CFAP20DC: variants seen among roughly 807,000 people sequenced by gnomAD.
CFAP20DC encodes CFAP20 domain containing, also known as protein CFAP20DC.
Under a neutral mutation model 101.7 loss-of-function variants are expected in CFAP20DC, and 84 were observed. That is an observed-to-expected ratio of 0.83 (90% CI 0.69 to 0.99). The LOEUF (loss-of-function observed/expected upper bound fraction) is 0.99, where lower values mean the gene tolerates loss of function less well. Ranked by LOEUF, CFAP20DC falls within the 50% of genes least tolerant of loss-of-function variation. CFAP20DC has a pLI of 0.00. For missense variants in CFAP20DC, 1,007 were observed against 970.3 expected, an observed-to-expected ratio of 1.04 and a Z score of -0.50; for synonymous variants, 359 against 351.2, an observed-to-expected ratio of 1.02 and a Z score of -0.25.
chr3:58,777,473 T>A (rs918928112), intron 15 of CFAP20DC, among the ~76,000 whole-genome samples: 21 of 152,196 alleles, frequency 1.4e-4, no homozygotes, highest in Non-Finnish European at 1.9e-4. Flanking sequence ...ATATTTGGGT[T>A]CCACAGCAGC....
intron 6 of CFAP20DC, among the ~76,000 whole-genome samples, chr3:58,911,004 A>T (rs1333078588): frequency 6.6e-6 from 1 of 152,100 alleles, no homozygotes. Context: ...AGTTTGATTA[A>T]CATATTTGAG....
At chr3:58,976,311 G>A (rs907586345) in intron 4 of CFAP20DC, among the ~76,000 whole-genome samples, 1 of 152,168 alleles carries the variant, frequency 6.6e-6, no homozygotes, top group Non-Finnish European at 1.5e-5. Flanking sequence ...TAGCAGAGGA[G>A]GATCAAGGAA....
At chr3:58,925,296 T>G (rs2085828767) in intron 5 of CFAP20DC, among the ~76,000 whole-genome samples, 1 of 152,214 alleles carries the variant, frequency 6.6e-6, no homozygotes, top group African/African-American at 2.4e-5. Context: ...TTAATTTACT[T>G]ACAATCATCC....
downstream of CFAP20DC, among the ~76,000 whole-genome samples, chr3:58,741,372 C>T (rs1412157699): frequency 6.6e-6 from 1 of 152,118 alleles, no homozygotes; most frequent in Non-Finnish European, 1.5e-5. Flanking sequence ...GGGATTTCTT[C>T]AGGCCCAGGC....
chr3:58,858,384 A>T (rs1013453708), intron 12 of CFAP20DC, among the ~76,000 whole-genome samples: 1 of 152,182 alleles, frequency 6.6e-6, no homozygotes, highest in African/African-American at 2.4e-5. Flanking sequence ...CCTCTGCTGA[A>T]CTACATTTCT....
rs1298496634 is a variant in CFAP20DC, at chr3:59,049,604, G to A, written c.21+7C>T. 4 of 1,535,988 alleles carry A rather than the reference G, an allele frequency of 2.6e-6. No homozygotes were observed. Among genetic ancestry groups the A allele is most frequent in the African/African-American group, 1.4e-5 (1 of 73,168 alleles). On this transcript the variant is annotated splice_region_variant and intron_variant, in intron 1 of 16. Coordinates refer to ENST00000482387, the MANE Select transcript of CFAP20DC (RefSeq NM_001394063.1). ...TATAGACAGGTTGGAGAACCGTTTCGGGTTACCTGGTACTCATTTTTGAAC... is the reference window on the plus strand; with the variant it reads ...TATAGACAGGTTGGAGAACCGTTTCAGGTTACCTGGTACTCATTTTTGAAC...
Position 59,007,405 on chromosome 3 carries a change from C to T in CFAP20DC, c.278+32152G>A, listed in dbSNP as rs1264325645. ...TGCAGCTGGCGCTCTCTGGAAAGCA[C>T]CACCTCCTGGCTGGAGGCCAACCAA... is the stretch of plus-strand genomic sequence containing the variant. On this transcript the variant is annotated intron_variant, in intron 4 of 16. Coordinates refer to ENST00000482387, the MANE Select transcript of CFAP20DC (RefSeq NM_001394063.1). This position sits in a 1 kb window ranked among gnomAD's most constrained non-coding sequence, Gnocchi z 4.4. 1.3e-5 allele frequency among the ~76,000 whole-genome samples: 2 copies of T among 152,192 alleles called. No individual in the cohort carries two copies. Among genetic ancestry groups the T allele is most frequent in the Non-Finnish European group, 2.9e-5 (2 of 68,028 alleles).
At chr3:58,758,353 C>T (rs1293257566) in intron 15 of CFAP20DC, among the ~76,000 whole-genome samples, 1 of 152,002 alleles carries the variant, frequency 6.6e-6, no homozygotes, top group East Asian at 1.9e-4. Context: ...ATGGGGAGTT[C>T]TAGCTGAGGC....
At chr3:59,009,948 G>A (rs2093542611) in intron 4 of CFAP20DC, among the ~76,000 whole-genome samples, 1 of 152,058 alleles carries the variant, frequency 6.6e-6, no homozygotes, top group South Asian at 2.1e-4. Context: ...TTTTGTATCT[G>A]GTGAAACTAA....
At chr3:58,733,549 A>C (rs1227381159) in intron 3 of CFAP20DC, among the ~76,000 whole-genome samples, 2 of 152,256 alleles carry the variant, frequency 1.3e-5, no homozygotes, top group African/African-American at 4.8e-5. Context: ...TGCTTGGCCC[A>C]GAACTGATCA....
At chr3:58,844,110 G>A (rs1305153680) in intron 13 of CFAP20DC, among the ~76,000 whole-genome samples, 1 of 87,468 alleles carries the variant, frequency 1.1e-5, no homozygotes, top group African/African-American at 5.0e-5. Flanking sequence ...ATCAACTAAC[G>A]AGCAAAATCA....
chr3:59,014,129 T>C lies in CFAP20DC; in HGVS notation c.278+25428A>G, dbSNP rs1163906142. ...ATAACCCAAATCTTGCATGACTGAC[T>C]GCAAGCAGTGAGTTAGAAGGTTTAG... On this transcript the variant is annotated intron_variant, in intron 4 of 16. Coordinates refer to ENST00000482387, the MANE Select transcript of CFAP20DC (RefSeq NM_001394063.1). The surrounding 1 kb of genome is among the most constrained non-coding windows in gnomAD (Gnocchi z 4.9). Among the ~76,000 whole-genome samples, 4 of 152,148 alleles carry C rather than the reference T, an allele frequency of 2.6e-5. No homozygotes were observed. Among genetic ancestry groups the C allele is most frequent in the African/African-American group, 9.7e-5 (4 of 41,450 alleles).
At chr3:58,735,306 C>A (rs536864968) in intron 3 of CFAP20DC, among the ~76,000 whole-genome samples, 3 of 152,298 alleles carry the variant, frequency 2.0e-5, no homozygotes, top group Admixed American at 2.0e-4. Context: ...AAAATGCGTA[C>A]AAGACAGAGT....
intron 16 of CFAP20DC, among the ~76,000 whole-genome samples, chr3:58,744,518 A>AT (rs1303332869): frequency 6.6e-6 from 1 of 152,196 alleles, no homozygotes; most frequent in African/African-American, 2.4e-5. Flanking sequence ...AAGAAATCTG[A>AT]TTTCTCATAG....
intron 4 of CFAP20DC, among the ~76,000 whole-genome samples, chr3:59,010,515 C>T (rs2093558094): frequency 6.6e-6 from 1 of 152,038 alleles, no homozygotes; most frequent in Non-Finnish European, 1.5e-5. Flanking sequence ...ATATCACAAT[C>T]CTAAATATAT....
chr3:58,905,192 T>A (rs2083476281), intron 6 of CFAP20DC, among the ~76,000 whole-genome samples: 1 of 152,152 alleles, frequency 6.6e-6, no homozygotes, highest in Non-Finnish European at 1.5e-5. Flanking sequence ...CACTGGTGTA[T>A]CATATCTTGC....
intron 15 of CFAP20DC, 79 bp from the exon 16 acceptor site, chr3:58,753,942 T>C (rs2068747217): frequency 8.7e-6 from 8 of 921,032 alleles, no homozygotes; most frequent in Non-Finnish European, 1.3e-5. Flanking sequence ...TTTCAGTTCC[T>C]TGGGGCTTCC....
chr3:58,755,419 C>T (rs537212801), intron 15 of CFAP20DC, among the ~76,000 whole-genome samples: 3 of 152,082 alleles, frequency 2.0e-5, no homozygotes, highest in Admixed American at 6.6e-5. Context: ...TACAAATTAC[C>T]AGCGCAGTGA....
chr3:58,951,210 C>T (rs1214430282), intron 4 of CFAP20DC, among the ~76,000 whole-genome samples: 4 of 152,150 alleles, frequency 2.6e-5, no homozygotes, highest in African/African-American at 9.7e-5. Flanking sequence ...CAATGAGATA[C>T]CATCTCACAC....
Sources: allele counts gnomAD v4.1 joint callset (sites outside exome capture counted in the v4.1 genomes callset), GRCh38; gene constraint gnomAD v4.1.1; non-coding constraint Gnocchi (gnomAD v3.1); transcripts MANE v1.5; gene names NCBI Gene and HGNC (gene_info 2026-07-23, HGNC 2026-07-21).